Variants in FBXL7 observed in about 807,000 individuals in gnomAD.
FBXL7 encodes the protein F-box/LRR-repeat protein 7.
Under a neutral mutation model 38.3 loss-of-function variants are expected in FBXL7, and 12 were observed. The observed-to-expected ratio is 0.31, with a 90% confidence interval of 0.20 to 0.51. The LOEUF (loss-of-function observed/expected upper bound fraction) is 0.51. FBXL7 is among the 20% of genes least tolerant of loss of function. The pLI, the probability that FBXL7 is intolerant of heterozygous loss-of-function variation, is 0.98. For missense variants in FBXL7, 567 were observed against 676.4 expected (o/e 0.84, Z 1.79); for synonymous variants, 297 against 300.9 (o/e 0.99, Z 0.13).
At chr5:15,636,023 T>C (rs924025825) in intron 2 of FBXL7, among the ~76,000 whole-genome samples, 17 of 151,532 alleles carry the variant, frequency 1.1e-4, no homozygotes, top group Non-Finnish European at 2.2e-4. Flanking sequence ...AATTTGAGAG[T>C]GATTATAATC....
intron 2 of FBXL7, among the ~76,000 whole-genome samples, chr5:15,818,930 G>T (rs528074793): frequency 1.3e-5 from 2 of 152,174 alleles, no homozygotes; most frequent in East Asian, 3.9e-4. Context: ...CATTAAGCTT[G>T]CCTCTGAGCA....
intron 2 of FBXL7, among the ~76,000 whole-genome samples, chr5:15,645,627 T>C (rs1024938675): frequency 6.6e-6 from 1 of 152,214 alleles, no homozygotes; most frequent in African/African-American, 2.4e-5. Context: ...GTCCTCAACC[T>C]AGGCAAAATA....
chr5:15,654,480 G>T (rs1741813522), intron 2 of FBXL7, among the ~76,000 whole-genome samples: 1 of 150,616 alleles, frequency 6.6e-6, no homozygotes, highest in Non-Finnish European at 1.5e-5. Flanking sequence ...GCCATGGATT[G>T]CCTTTGTTAC....
chr5:15,838,930 A>G (rs944497834), intron 2 of FBXL7, among the ~76,000 whole-genome samples: 9 of 152,204 alleles, frequency 5.9e-5, no homozygotes, highest in African/African-American at 1.9e-4. Context: ...CTCTATCTAT[A>G]GATGTATTTA....
chr5:15,660,605 G>A (rs4702094), intron 2 of FBXL7, among the ~76,000 whole-genome samples: 3,779 of 152,216 alleles, frequency 0.025, 79 homozygotes, highest in East Asian at 0.053. Flanking sequence ...TGATCTGCCC[G>A]TCTTGGCCTC....
At position 15,812,695 on chromosome 5, in the gene FBXL7, G is replaced by A. The variant is rs191458894; in HGVS notation, c.128-115195G>A. 3.8e-3 allele frequency among the ~76,000 whole-genome samples: 578 copies of A among 152,200 alleles called. 9 individuals carry two copies. Among genetic ancestry groups the A allele is most frequent in the African/African-American group, 0.013 (559 of 41,528 alleles). On this transcript the variant is annotated intron_variant, in intron 2 of 3. Transcript: ENST00000504595. ...TGTCAGTGGTACCTTGATGGGGATAGCATTGAATCTATAAATTACTTTGGG... is the reference window on the plus strand; with the variant it reads ...TGTCAGTGGTACCTTGATGGGGATAACATTGAATCTATAAATTACTTTGGG...
At chr5:15,875,056 CA>C (rs1378215033) in intron 2 of FBXL7, among the ~76,000 whole-genome samples, 1 of 152,054 alleles carries the variant, frequency 6.6e-6, no homozygotes, top group East Asian at 1.9e-4. Flanking sequence ...GTACTGGTAC[CA>C]AAACAGATAT....
intron 2 of FBXL7, among the ~76,000 whole-genome samples, chr5:15,649,827 T>C (rs1257533967): frequency 6.6e-6 from 1 of 152,318 alleles, no homozygotes; most frequent in South Asian, 2.1e-4. Context: ...CTAATTTCTT[T>C]GACTTTGGTA....
chr5:15,825,422 T>C (rs1363846614), intron 2 of FBXL7, among the ~76,000 whole-genome samples: 1 of 152,186 alleles, frequency 6.6e-6, no homozygotes. Context: ...CTCAATTCAT[T>C]AAAACACCAT....
intron 1 of FBXL7, among the ~76,000 whole-genome samples, chr5:15,589,726 G>A (rs566911054): frequency 4.7e-4 from 71 of 152,252 alleles, no homozygotes; most frequent in Admixed American, 7.8e-4. Flanking sequence ...TACCTTGGTG[G>A]GGTAACATCA....
At position 15,549,257 on chromosome 5, in the gene FBXL7, A is replaced by G. The variant is rs545050505; in HGVS notation, c.37+48544A>G. Among the ~76,000 whole-genome samples, 26 of 152,326 alleles carry G rather than the reference A, an allele frequency of 1.7e-4. No homozygotes were observed. The South Asian group carries it at 5.2e-3, about 30-fold the overall frequency. On this transcript the variant is annotated intron_variant, in intron 1 of 3. Coordinates refer to ENST00000504595, the MANE Select transcript of FBXL7 (RefSeq NM_012304.5). The stretch of plus-strand genomic sequence containing the variant: ...ATTCCCATCACAAAGTAGGAGTTCA[A>G]CAAATGTTGGTCATTCATTTGTGGA...
At chr5:15,616,134 G>T (rs1452465097) in intron 2 of FBXL7, 62 bp downstream of exon 2, 8 of 1,190,670 alleles carry the variant, frequency 6.7e-6, no homozygotes, top group Non-Finnish European at 9.9e-6. Flanking sequence ...TTTTGGAACA[G>T]AAATAAAGTG....
At chr5:15,777,631 G>A (rs1228030847) in intron 2 of FBXL7, among the ~76,000 whole-genome samples, 1 of 146,560 alleles carries the variant, frequency 6.8e-6, no homozygotes, top group Non-Finnish European at 1.5e-5. Flanking sequence ...TAAAAGCTCA[G>A]TGCATAGAAA....
intron 2 of FBXL7, among the ~76,000 whole-genome samples, chr5:15,855,729 C>T (rs1241379711): frequency 6.6e-6 from 1 of 152,054 alleles, no homozygotes; most frequent in East Asian, 1.9e-4. Flanking sequence ...ATTTATGGAA[C>T]ATTTACAGTT....
intron 2 of FBXL7, among the ~76,000 whole-genome samples, chr5:15,755,777 G>A (rs984549651): frequency 3.3e-5 from 5 of 152,124 alleles, no homozygotes; most frequent in Admixed American, 2.0e-4. Flanking sequence ...TAGGCAATAG[G>A]AACTAACCAG....
chr5:15,594,032 C>A (rs1478167023), intron 1 of FBXL7, among the ~76,000 whole-genome samples: 1 of 152,196 alleles, frequency 6.6e-6, no homozygotes, highest in Non-Finnish European at 1.5e-5. Flanking sequence ...TCATTCTACT[C>A]ATTTCTTTCC....
chr5:15,936,709 C>G lies in FBXL7; in HGVS notation c.999C>G (p.Asp333Glu). The G allele has an allele frequency of 6.2e-7, 1 of 1,608,418 alleles. No homozygotes were observed. Among genetic ancestry groups the G allele is most frequent in the Non-Finnish European group, 8.5e-7 (1 of 1,179,512 alleles). Reference sequence around the variant, plus strand: ...CCATCAAGGAGCTGAGCGTCAGCGACTGCCGCTTCGTCAGCGACTTCGGCC... The same window carrying G: ...CCATCAAGGAGCTGAGCGTCAGCGAGTGCCGCTTCGTCAGCGACTTCGGCC... Reference protein sequence around the residue: ...CASIKELSVSDCRFVSDFGLR... With the variant: ...CASIKELSVSECRFVSDFGLR... Residue 333 changes from aspartate (D) to glutamate (E), a missense_variant, in exon 4 of 4, where the codon GAC (aspartate) becomes GAG (glutamate). Coordinates refer to ENST00000504595, the MANE Select transcript of FBXL7 (RefSeq NM_012304.5). The surrounding 1 kb of genome is among the most constrained non-coding windows in gnomAD (Gnocchi z 6.0).
At chr5:15,727,220 A>G (rs1462668629) in intron 2 of FBXL7, among the ~76,000 whole-genome samples, 2 of 151,298 alleles carry the variant, frequency 1.3e-5, no homozygotes, top group Non-Finnish European at 3.0e-5. Flanking sequence ...TTAAATTAAG[A>G]AAAAAAAATG....
intron 2 of FBXL7, among the ~76,000 whole-genome samples, chr5:15,895,430 A>G (rs972244261): frequency 6.6e-6 from 1 of 152,136 alleles, no homozygotes; most frequent in African/African-American, 2.4e-5. Context: ...ACTCTCATAG[A>G]AAGCCTTAAA....
Sources: gnomAD v4.1 joint callset for allele counts (sites outside exome capture counted in the v4.1 genomes callset) on GRCh38, gnomAD v4.1.1 for gene constraint, Gnocchi (gnomAD v3.1) non-coding constraint, MANE v1.5 for transcripts, NCBI Gene and HGNC (gene_info 2026-07-23, HGNC 2026-07-21) for gene names.